Variants in MAPK8 observed in about 807,000 individuals in gnomAD.
MAPK8 encodes JUN N-terminal kinase.
MAPK8 carries 13 observed loss-of-function variants against 52.9 expected under a neutral mutation model. The ratio of observed to expected loss-of-function variants is 0.25; its 90% CI spans 0.16 to 0.39. MAPK8 has a LOEUF of 0.39. MAPK8 is among the 10% of genes least tolerant of loss of function. The probability of loss-of-function intolerance (pLI) is 1.00; values close to 1 mark genes in which losing one functional copy is unlikely to be tolerated. For missense variants in MAPK8, 300 were observed against 519.2 expected (o/e 0.58, Z 4.10); for synonymous variants, 191 against 169.8 (o/e 1.12, Z -0.97).
chr10:48,369,413 G>A (rs1284339506), intron 1 of MAPK8, among the ~76,000 whole-genome samples: 3 of 152,126 alleles, frequency 2.0e-5, no homozygotes, highest in East Asian at 1.9e-4. Context: ...AAGTAGCATC[G>A]CAGCAAATTT....
intron 1 of MAPK8, among the ~76,000 whole-genome samples, chr10:48,358,976 T>C (rs997520879): frequency 6.6e-6 from 1 of 152,218 alleles, no homozygotes; most frequent in African/African-American, 2.4e-5. Flanking sequence ...TCTGTCCTTA[T>C]GCCAGTACCA....
At chr10:48,424,641 A>G (rs1456213659) in intron 7 of MAPK8, 7 of 1,195,228 alleles carry the variant, frequency 5.9e-6, no homozygotes, top group Non-Finnish European at 8.3e-6. Context: ...GTATGATAGC[A>G]CTTCAGTTTG....
intron 3 of MAPK8, among the ~76,000 whole-genome samples, chr10:48,406,704 C>G (rs957086606): frequency 2.0e-5 from 3 of 152,194 alleles, no homozygotes; most frequent in African/African-American, 4.8e-5. Flanking sequence ...ATCCTCTGTA[C>G]AGATTGTCTC....
chr10:48,433,657 C>T (rs1222143426), intron 11 of MAPK8, among the ~76,000 whole-genome samples: 1 of 152,202 alleles, frequency 6.6e-6, no homozygotes, highest in Non-Finnish European at 1.5e-5. Context: ...AGTCCCCTCC[C>T]TAAAGATTTT....
chr10:48,317,826 C>G (rs1313411521), intron 1 of MAPK8, among the ~76,000 whole-genome samples: 1 of 152,002 alleles, frequency 6.6e-6, no homozygotes, highest in South Asian at 2.1e-4. Flanking sequence ...TTCATACGGG[C>G]AGAAAGGGAT....
At chr10:48,340,031 C>T (rs779477061) in intron 1 of MAPK8, among the ~76,000 whole-genome samples, 12 of 152,186 alleles carry the variant, frequency 7.9e-5, no homozygotes, top group Non-Finnish European at 1.6e-4. Flanking sequence ...ACCATTCAAA[C>T]CAGCAGTCTC....
At chr10:48,343,178 CAGTATT>C (rs1845464171) in intron 1 of MAPK8, among the ~76,000 whole-genome samples, 2 of 152,302 alleles carry the variant, frequency 1.3e-5, no homozygotes, top group East Asian at 1.9e-4. Context: ...AGTCTGAACT[CAGTATT>C]AGTAGGCTGG....
intron 1 of MAPK8, among the ~76,000 whole-genome samples, chr10:48,364,024 A>G (rs1847809120): frequency 6.6e-6 from 1 of 152,242 alleles, no homozygotes; most frequent in Non-Finnish European, 1.5e-5. Context: ...CTAGGCATGC[A>G]GTTAATAATT....
chr10:48,352,107 G>C (rs1846397557), intron 1 of MAPK8, among the ~76,000 whole-genome samples: 1 of 152,178 alleles, frequency 6.6e-6, no homozygotes, highest in Admixed American at 6.5e-5. Flanking sequence ...GTATGGCATA[G>C]ATAATTTGAA....
chr10:48,435,036 G>A lies in MAPK8; in HGVS notation c.*7G>A, dbSNP rs770839347. The A allele has an allele frequency of 1.6e-5, 25 of 1,536,710 alleles. No homozygotes were observed. The Admixed American group carries it at 4.5e-4, about 28-fold the overall frequency. ...TCTGGGCTGCTGTAGATGACTACTT[G>A]GGCCATCGGGGGGTGGGAGGGATGG... On this transcript the variant is annotated 3_prime_UTR_variant, in exon 12 of 12. Coordinates refer to ENST00000374189, the MANE Select transcript of MAPK8 (RefSeq NM_001323329.2).
At position 48,426,015 on chromosome 10, in the gene MAPK8, G is replaced by A; in HGVS notation, c.816G>A (p.Glu272=). 2 of 1,613,110 alleles carry A rather than the reference G, an allele frequency of 1.2e-6. No homozygotes were observed. The highest frequency in any genetic ancestry group is 1.7e-6 in the Non-Finnish European group (2 of 1,179,536). Residue 272 remains glutamate, a synonymous_variant, in exon 8 of 12, where the codon GAG becomes GAA. Transcript: ENST00000374189. ...NRPKYAGYSF[E]KLFPDVLFPA... is the part of the protein sequence containing the mutation. ...CTAAATATGCTGGATATAGCTTTGA[G>A]AAACTCTTCCCTGATGTCCTTTTCC...
chr10:48,344,656 A>T (rs559304415), intron 1 of MAPK8, among the ~76,000 whole-genome samples: 1 of 152,354 alleles, frequency 6.6e-6, no homozygotes, highest in African/African-American at 2.4e-5. Context: ...TATTTTTAAA[A>T]TATCTTCTAT....
chr10:48,361,705 T>G (rs1847543093), intron 1 of MAPK8, among the ~76,000 whole-genome samples: 1 of 152,210 alleles, frequency 6.6e-6, no homozygotes, highest in African/African-American at 2.4e-5. Context: ...CATTTCTTCT[T>G]CCATCCTTGC....
At chr10:48,420,083 A>AT in intron 5 of MAPK8, 72 bp from the exon 6 acceptor site, 1 of 1,147,672 alleles carries the variant, frequency 8.7e-7, no homozygotes, top group Non-Finnish European at 1.3e-6. Context: ...AAGGGATAGT[A>AT]TAACTTTATT....
intron 3 of MAPK8, among the ~76,000 whole-genome samples, chr10:48,405,441 G>T (rs1052253582): frequency 2.3e-4 from 35 of 152,136 alleles, no homozygotes; most frequent in Admixed American, 1.4e-3. Flanking sequence ...AGTGATGGCA[G>T]TATTCACTGA....
intron 2 of MAPK8, among the ~76,000 whole-genome samples, chr10:48,403,637 A>AACCG (rs1240154117): frequency 2.0e-5 from 3 of 152,190 alleles, no homozygotes; most frequent in Non-Finnish European, 4.4e-5. Flanking sequence ...GTAACCAACC[A>AACCG]CATTTAACCA....
intron 6 of MAPK8, among the ~76,000 whole-genome samples, chr10:48,421,800 T>C (rs1203749374): frequency 6.6e-6 from 1 of 151,978 alleles, no homozygotes; most frequent in Admixed American, 6.6e-5. Context: ...CAAGACTCTG[T>C]CTCAAAAAAT....
intron 1 of MAPK8, among the ~76,000 whole-genome samples, chr10:48,313,925 G>A (rs918784062): frequency 6.6e-6 from 1 of 152,110 alleles, no homozygotes; most frequent in African/African-American, 2.4e-5. Flanking sequence ...GGCCTCCAAA[G>A]TGCTGGGATT....
At chr10:48,428,685 C>G (rs2043882699) in intron 10 of MAPK8, among the ~76,000 whole-genome samples, 1 of 152,138 alleles carries the variant, frequency 6.6e-6, no homozygotes, top group South Asian at 2.1e-4. Flanking sequence ...ATGTAATGTG[C>G]ATTTGAATAT....
Sources: allele counts gnomAD v4.1 joint callset (sites outside exome capture counted in the v4.1 genomes callset), GRCh38; gene constraint gnomAD v4.1.1; transcripts MANE v1.5; gene names NCBI Gene and HGNC (gene_info 2026-07-23, HGNC 2026-07-21).